The following SGCZ variants were observed in gnomAD, a reference collection of about 807,000 sequenced individuals.
SGCZ encodes zeta-sarcoglycan.
A neutral mutation model predicts 41.3 loss-of-function variants in SGCZ; 40 were observed. The ratio of observed to expected loss-of-function variants is 0.97; its 90% CI spans 0.75 to 1.26. The LOEUF (loss-of-function observed/expected upper bound fraction) is 1.26, where lower values mean the gene tolerates loss of function less well. SGCZ is among the 50% of genes most tolerant of loss of function. The probability of loss-of-function intolerance (pLI) is 0.00; values close to 1 mark genes in which losing one functional copy is unlikely to be tolerated. For missense variants in SGCZ, 552 were observed against 369.8 expected (o/e 1.49, Z -4.04); for synonymous variants, 206 against 137.5 (o/e 1.50, Z -3.49).
chr8:14,832,604 T>C (rs1381035664), intron 1 of SGCZ, among the ~76,000 whole-genome samples: 1 of 152,166 alleles, frequency 6.6e-6, no homozygotes, highest in East Asian at 1.9e-4. Context: ...GATTTTATTT[T>C]AAAAAATGTG....
At chr8:14,365,193 C>A (rs1308201476) in intron 2 of SGCZ, among the ~76,000 whole-genome samples, 1 of 152,094 alleles carries the variant, frequency 6.6e-6, no homozygotes, top group African/African-American at 2.4e-5. Flanking sequence ...CTGGACTTAC[C>A]TACTTACAGA....
intron 2 of SGCZ, among the ~76,000 whole-genome samples, chr8:14,471,991 T>C (rs1801225818): frequency 6.6e-6 from 1 of 152,072 alleles, no homozygotes; most frequent in Non-Finnish European, 1.5e-5. Context: ...TTTACCTCTG[T>C]GGCAGTTAAT....
At chr8:15,087,009 A>G (rs1563495815) in intron 1 of SGCZ, among the ~76,000 whole-genome samples, 1 of 152,176 alleles carries the variant, frequency 6.6e-6, no homozygotes, top group South Asian at 2.1e-4. Flanking sequence ...ACAGAAGAAC[A>G]TGGGATTTGA....
chr8:14,168,179 A>G (rs1804264685), intron 4 of SGCZ, among the ~76,000 whole-genome samples: 1 of 152,200 alleles, frequency 6.6e-6, no homozygotes, highest in Non-Finnish European at 1.5e-5. Flanking sequence ...CAAAATTTCC[A>G]CAAGGAAAAC....
chr8:14,592,076 CT>C (rs1805259129), intron 1 of SGCZ, among the ~76,000 whole-genome samples: 1 of 152,106 alleles, frequency 6.6e-6, no homozygotes, highest in South Asian at 2.1e-4. Context: ...ATAGCAAAGA[CT>C]TGAAAAATGT....
chr8:14,203,738 G>A (rs1244261528), intron 4 of SGCZ, among the ~76,000 whole-genome samples: 1 of 152,116 alleles, frequency 6.6e-6, no homozygotes, highest in Non-Finnish European at 1.5e-5. Flanking sequence ...TATGGAGAAA[G>A]AATCAGATAA....
intron 1 of SGCZ, among the ~76,000 whole-genome samples, chr8:15,053,127 C>T (rs1375080343): frequency 6.6e-6 from 1 of 152,072 alleles, no homozygotes; most frequent in Non-Finnish European, 1.5e-5. Flanking sequence ...TGCAAAATTC[C>T]AAGTGTCCTC....
intron 1 of SGCZ, among the ~76,000 whole-genome samples, chr8:14,890,547 G>T (rs948425327): frequency 1.3e-5 from 2 of 152,138 alleles, no homozygotes; most frequent in Non-Finnish European, 2.9e-5. Context: ...AGAATAAGTT[G>T]GTTCATGAGG....
At chr8:14,494,149 GTAATTAATCTGA>G (rs142563343) in intron 2 of SGCZ, among the ~76,000 whole-genome samples, 2,484 of 152,224 alleles carry the variant, frequency 0.016, 63 homozygotes, top group African/African-American at 0.057. Context: ...TATGAAAAAA[GTAATTAATCTGA>G]TAAACAACAC....
intron 2 of SGCZ, among the ~76,000 whole-genome samples, chr8:14,444,503 TC>T (rs1800372650): frequency 6.6e-6 from 1 of 152,208 alleles, no homozygotes; most frequent in Admixed American, 6.5e-5. Context: ...TGAGTTCATG[TC>T]CTTTGTAGGA....
At chr8:14,505,966 G>C (rs1205553130) in intron 2 of SGCZ, among the ~76,000 whole-genome samples, 1 of 152,052 alleles carries the variant, frequency 6.6e-6, no homozygotes, top group Non-Finnish European at 1.5e-5. Flanking sequence ...GTGCCTATGT[G>C]ATGCTATGTC....
intron 6 of SGCZ, among the ~76,000 whole-genome samples, chr8:14,107,428 C>G (rs183050551): frequency 2.2e-4 from 33 of 151,994 alleles, no homozygotes; most frequent in African/African-American, 8.0e-4. Context: ...ATAGCTTATT[C>G]CATTGGAAAT....
At chr8:14,622,411 T>C (rs770670081) in intron 1 of SGCZ, among the ~76,000 whole-genome samples, 16 of 152,090 alleles carry the variant, frequency 1.1e-4, no homozygotes, top group Non-Finnish European at 1.9e-4. Context: ...AAATGTGAGG[T>C]CTGATTCCAA....
chr8:15,152,105 A>G (rs1799194152), intron 1 of SGCZ, among the ~76,000 whole-genome samples: 1 of 152,184 alleles, frequency 6.6e-6, no homozygotes, highest in African/African-American at 2.4e-5. Context: ...ACTTTTCTGG[A>G]TTTTGTTTGT....
At chr8:15,131,200 C>A (rs368139853) in intron 1 of SGCZ, among the ~76,000 whole-genome samples, 17 of 152,240 alleles carry the variant, frequency 1.1e-4, no homozygotes, top group African/African-American at 4.1e-4. Flanking sequence ...ATTGTAGCTG[C>A]CAGGATTCTC....
chr8:15,027,336 A>C (rs542757201), intron 1 of SGCZ, among the ~76,000 whole-genome samples: 23 of 152,236 alleles, frequency 1.5e-4, no homozygotes, highest in African/African-American at 4.8e-4. Flanking sequence ...CCAGTGCTTT[A>C]TTTAATACAG....
At chr8:14,264,982 A>G (rs1799822845) in intron 3 of SGCZ, among the ~76,000 whole-genome samples, 1 of 152,090 alleles carries the variant, frequency 6.6e-6, no homozygotes, top group African/African-American at 2.4e-5. Flanking sequence ...CAAACAAACA[A>G]AAACACAAAA....
intron 4 of SGCZ, among the ~76,000 whole-genome samples, chr8:14,202,661 T>C (rs775089894): frequency 8.5e-5 from 13 of 152,172 alleles, no homozygotes; most frequent in Non-Finnish European, 1.8e-4. Context: ...TCAAGATATT[T>C]TATGAAATTT....
intron 2 of SGCZ, among the ~76,000 whole-genome samples, chr8:14,530,374 A>C: frequency 6.6e-6 from 1 of 152,190 alleles, no homozygotes; most frequent in East Asian, 1.9e-4. Flanking sequence ...TTATAATTTA[A>C]ACTTTATTTT....
Sources: allele counts gnomAD v4.1 joint callset (sites outside exome capture counted in the v4.1 genomes callset), GRCh38; gene constraint gnomAD v4.1.1; transcripts MANE v1.5; gene names NCBI Gene and HGNC (gene_info 2026-07-23, HGNC 2026-07-21).